The following ABLIM1 variants were observed in gnomAD, a reference collection of about 807,000 sequenced individuals.
The protein encoded by ABLIM1 is actin binding LIM protein 1.
A neutral mutation model predicts 107.0 loss-of-function variants in ABLIM1; 40 were observed. The ratio of observed to expected loss-of-function variants is 0.37; its 90% confidence interval spans 0.29 to 0.49. The LOEUF (loss-of-function observed/expected upper bound fraction) is 0.49, where lower values mean the gene tolerates loss of function less well. Ranked by LOEUF, ABLIM1 falls within the 20% of genes least tolerant of loss-of-function variation. The pLI is 0.97. For missense variants in ABLIM1, 857 were observed against 1,008.5 expected, an observed-to-expected ratio of 0.85 and a Z score of 2.04; for synonymous variants, 357 against 357.3, an observed-to-expected ratio of 1.00 and a Z score of 0.01.
chr10:114,797,308 T>A, the ABLIM1 span, among the ~76,000 whole-genome samples: 2 of 152,232 alleles, frequency 1.3e-5, no homozygotes, highest in Non-Finnish European at 1.5e-5. Flanking sequence ...CATACCTGAA[T>A]GGAAAAACCT....
chr10:114,607,643 C>G (rs544691165), intron 1 of ABLIM1, among the ~76,000 whole-genome samples: 1 of 152,162 alleles, frequency 6.6e-6, no homozygotes, highest in South Asian at 2.1e-4. Flanking sequence ...GGTCTTCCTT[C>G]CAAAAACAAA....
intron 4 of ABLIM1, 69 bp downstream of exon 4, chr10:114,571,228 G>A: frequency 7.4e-7 from 1 of 1,351,328 alleles, no homozygotes; most frequent in South Asian, 1.2e-5. Context: ...TCTCAAAAAG[G>A]AAGGCACCTG....
intron 1 of ABLIM1, among the ~76,000 whole-genome samples, chr10:114,748,867 G>A (rs2142388119): frequency 6.6e-6 from 1 of 151,860 alleles, no homozygotes. Flanking sequence ...GTCTCCCTAT[G>A]TTGCTATGTT....
chr10:114,702,613 G>A (rs937720138), intron 1 of ABLIM1, among the ~76,000 whole-genome samples: 2 of 145,048 alleles, frequency 1.4e-5, no homozygotes, highest in East Asian at 4.1e-4. Context: ...TGCAAGCTCC[G>A]CCTCCCGGGT....
At chr10:114,733,197 T>C (rs2082111806) in intron 1 of ABLIM1, among the ~76,000 whole-genome samples, 1 of 152,098 alleles carries the variant, frequency 6.6e-6, no homozygotes, top group African/African-American at 2.4e-5. Context: ...CCAGGTACAG[T>C]GTGAATCAGG....
intron 6 of ABLIM1, chr10:114,526,939 A>G (rs1407866227): frequency 1.0e-6 from 1 of 985,354 alleles, no homozygotes; most frequent in African/African-American, 1.7e-5. Context: ...TTTACTTACT[A>G]GTTCAACACA....
At chr10:114,622,431 T>C (rs1015912684) in intron 1 of ABLIM1, among the ~76,000 whole-genome samples, 2 of 151,512 alleles carry the variant, frequency 1.3e-5, no homozygotes, top group Non-Finnish European at 2.9e-5. Context: ...TGTCGGGGGA[T>C]GGGGGGAATT....
chr10:114,661,042 T>G (rs2079773541), upstream of ABLIM1, among the ~76,000 whole-genome samples: 1 of 152,192 alleles, frequency 6.6e-6, no homozygotes, highest in African/African-American at 2.4e-5. Flanking sequence ...CCTAAATTTT[T>G]TTTTTTACAA....
intron 1 of ABLIM1, among the ~76,000 whole-genome samples, chr10:114,693,443 G>T (rs2081126204): frequency 6.6e-6 from 1 of 152,184 alleles, no homozygotes; most frequent in African/African-American, 2.4e-5. Flanking sequence ...CACAGGCTCT[G>T]AGCAACATGC....
chr10:114,658,672 G>A (rs190707214), upstream of ABLIM1, among the ~76,000 whole-genome samples: 1 of 152,278 alleles, frequency 6.6e-6, no homozygotes, highest in East Asian at 1.9e-4. Context: ...GATCTCACAG[G>A]TGGAGGTGGG....
At chr10:114,441,571 T>C in intron 18 of ABLIM1, 151 bp downstream of exon 18, 1 of 640,536 alleles carries the variant, frequency 1.6e-6, no homozygotes, top group Admixed American at 3.1e-5. Context: ...GTAACTCAAA[T>C]TAATTTACTA....
intron 6 of ABLIM1, among the ~76,000 whole-genome samples, chr10:114,493,840 T>C (rs2059330114): frequency 6.6e-6 from 1 of 152,228 alleles, no homozygotes; most frequent in African/African-American, 2.4e-5. Flanking sequence ...AAAATGAACC[T>C]ATTAATGCAA....
chr10:114,774,002 G>A, the ABLIM1 span, among the ~76,000 whole-genome samples: 1 of 151,668 alleles, frequency 6.6e-6, no homozygotes, highest in East Asian at 1.9e-4. Flanking sequence ...TGAAGAACTA[G>A]GATAAAATGT....
chr10:114,602,244 G>T (rs1159212900), intron 1 of ABLIM1, among the ~76,000 whole-genome samples: 2 of 152,072 alleles, frequency 1.3e-5, no homozygotes, highest in Non-Finnish European at 2.9e-5. Context: ...TTGAACTATT[G>T]AATACACAAT....
rs1037261663 is a variant in ABLIM1, at chr10:114,696,504, A to G, written c.-213+71557T>C. Among the ~76,000 whole-genome samples the G allele has an allele frequency of 3.9e-5, 6 of 152,178 alleles. No homozygotes were observed. In the South Asian group the frequency reaches 1.2e-3, roughly 32 times the overall value. On this transcript the variant is annotated intron_variant, in intron 1 of 15. Coordinates refer to the ABLIM1 transcript ENST00000651092. ...TGTTCCCACCCAAATCTCATCTTGA[A>G]TTGTAGCTCCCATAATTCTCATGTG...
chr10:114,492,160 C>T (rs1048102158), intron 6 of ABLIM1, among the ~76,000 whole-genome samples: 3 of 151,962 alleles, frequency 2.0e-5, no homozygotes, highest in Admixed American at 2.0e-4. Context: ...ATGGCTGCCA[C>T]TAACACACCA....
At chr10:114,560,294 A>G (rs1049194875) in intron 4 of ABLIM1, among the ~76,000 whole-genome samples, 1 of 123,684 alleles carries the variant, frequency 8.1e-6, no homozygotes, top group South Asian at 2.2e-4. Flanking sequence ...ATAGCCATAC[A>G]ATGTAAACAT....
chr10:114,795,175 T>A, the ABLIM1 span, among the ~76,000 whole-genome samples: 56 of 152,178 alleles, frequency 3.7e-4, 1 homozygote, highest in Admixed American at 2.6e-3. Context: ...CTAATAGTCA[T>A]GCGCATACAA....
intron 2 of ABLIM1, 182 bp downstream of exon 2, chr10:114,601,645 G>T: frequency 1.0e-6 from 1 of 965,696 alleles, no homozygotes; most frequent in Non-Finnish European, 1.6e-6. Flanking sequence ...ACTGGTTTTA[G>T]CAGGACTCGT....
Sources: gnomAD v4.1 joint callset for allele counts (sites outside exome capture counted in the v4.1 genomes callset) on GRCh38, gnomAD v4.1.1 for gene constraint, MANE v1.5 for transcripts, NCBI Gene and HGNC (gene_info 2026-07-23, HGNC 2026-07-21) for gene names.